CACNA2D1: variants seen among roughly 807,000 people sequenced by gnomAD.
CACNA2D1 encodes the protein calcium voltage-gated channel auxiliary subunit alpha2delta 1, also known as voltage-dependent calcium channel subunit alpha-2/delta-1.
A neutral mutation model predicts 171.5 loss-of-function variants in CACNA2D1; 53 were observed. The observed-to-expected ratio is 0.31, with a 90% CI of 0.25 to 0.39. The LOEUF (loss-of-function observed/expected upper bound fraction) is 0.39. Ranked by LOEUF, CACNA2D1 falls within the 10% of genes least tolerant of loss-of-function variation. The pLI is 1.00. For missense variants in CACNA2D1, 903 were observed against 1,299.8 expected (o/e 0.69, Z 4.69); for synonymous variants, 442 against 443.1 (o/e 1.00, Z 0.03).
At chr7:82,186,168 A>C (rs1468004900) in intron 3 of CACNA2D1, among the ~76,000 whole-genome samples, 1 of 136,824 alleles carries the variant, frequency 7.3e-6, no homozygotes, top group East Asian at 2.6e-4. Context: ...AAAACAAAAA[A>C]AGAGAGAGAA....
intron 3 of CACNA2D1, among the ~76,000 whole-genome samples, chr7:82,275,483 C>T (rs765577198): frequency 6.6e-6 from 1 of 152,112 alleles, no homozygotes; most frequent in Non-Finnish European, 1.5e-5. Flanking sequence ...TCAGATTGCT[C>T]GCTGATTCTA....
intron 10 of CACNA2D1, chr7:82,050,612 G>A (rs1805085737): frequency 1.4e-6 from 1 of 702,700 alleles, no homozygotes. Context: ...GGGAGAAGGA[G>A]AAATCTCTTT....
chr7:82,066,670 C>A, intron 7 of CACNA2D1, 146 bp from the exon 8 acceptor site: 2 of 1,243,820 alleles, frequency 1.6e-6, no homozygotes, highest in African/African-American at 1.5e-5. Context: ...CATTTTTAAG[C>A]CCTTATATTG....
rs7804162 is a variant in CACNA2D1 at position 82,361,085 on chromosome 7, C to A, written c.96-11436G>T. 5.3e-5 allele frequency among the ~76,000 whole-genome samples: 8 copies of A among 152,190 alleles called. No individual in the cohort carries two copies. In the South Asian group the frequency reaches 1.7e-3, roughly 31 times the overall value. On this transcript the variant is annotated intron_variant, in intron 1 of 38. Coordinates refer to ENST00000356860, the MANE Select transcript of CACNA2D1 (RefSeq NM_000722.4). The stretch of plus-strand genomic sequence containing the variant: ...TATATTGCAATTTAATTGCTTTCAA[C>A]CTTTTTGTCCTCACAGAACACGGTT...
intron 4 of CACNA2D1, among the ~76,000 whole-genome samples, chr7:82,149,888 C>T (rs1431051009): frequency 4.0e-5 from 6 of 151,778 alleles, no homozygotes; most frequent in Non-Finnish European, 5.9e-5. Context: ...ACCCGGGAGG[C>T]GGAGCTTGCA....
chr7:82,186,920 T>A (rs1797844374), intron 3 of CACNA2D1, among the ~76,000 whole-genome samples: 1 of 152,142 alleles, frequency 6.6e-6, no homozygotes, highest in Non-Finnish European at 1.5e-5. Flanking sequence ...TGTAAAATAT[T>A]GAAGCTTTAA....
At chr7:82,354,645 A>G (rs2129446492) in intron 1 of CACNA2D1, among the ~76,000 whole-genome samples, 1 of 152,302 alleles carries the variant, frequency 6.6e-6, no homozygotes, top group Middle Eastern at 3.4e-3. Flanking sequence ...AGTTGAAAAG[A>G]AAAATGGGAG....
intron 5 of CACNA2D1, among the ~76,000 whole-genome samples, chr7:82,128,832 C>G (rs111899714): frequency 6.6e-6 from 1 of 152,010 alleles, no homozygotes; most frequent in Non-Finnish European, 1.5e-5. Flanking sequence ...CCTGCCCCCA[C>G]GTTCCCCTGA....
chr7:82,097,202 T>C (rs986997294), intron 6 of CACNA2D1, among the ~76,000 whole-genome samples: 4 of 152,062 alleles, frequency 2.6e-5, no homozygotes, highest in African/African-American at 9.7e-5. Flanking sequence ...GCTGAATGGA[T>C]GAGGAATGTG....
At chr7:82,340,876 T>C (rs1367816851) in intron 2 of CACNA2D1, among the ~76,000 whole-genome samples, 1 of 152,162 alleles carries the variant, frequency 6.6e-6, no homozygotes, top group Non-Finnish European at 1.5e-5. Context: ...TAAAAGAAAG[T>C]GTTACATTAT....
chr7:82,097,569 T>A (rs541793281), intron 6 of CACNA2D1, among the ~76,000 whole-genome samples: 2 of 152,224 alleles, frequency 1.3e-5, no homozygotes, highest in Admixed American at 6.5e-5. Context: ...GATATGAACA[T>A]TGGAAGAGAG....
intron 6 of CACNA2D1, among the ~76,000 whole-genome samples, chr7:82,089,244 AT>A (rs1457242805): frequency 6.6e-5 from 10 of 152,030 alleles, no homozygotes; most frequent in African/African-American, 2.2e-4. Flanking sequence ...AGTGTTCAAT[AT>A]TTTTTCACTA....
chr7:82,208,752 T>C (rs1800261335), intron 3 of CACNA2D1, among the ~76,000 whole-genome samples: 1 of 152,142 alleles, frequency 6.6e-6, no homozygotes, highest in South Asian at 2.1e-4. Context: ...GAGGAATAAG[T>C]TCAAGAGTTG....
At chr7:82,022,027 T>C (rs1234312826) in intron 12 of CACNA2D1, among the ~76,000 whole-genome samples, 1 of 152,054 alleles carries the variant, frequency 6.6e-6, no homozygotes, top group Non-Finnish European at 1.5e-5. Flanking sequence ...TCATATACTC[T>C]GTGCATAAAG....
At chr7:82,174,024 T>C (rs1319933659) in intron 3 of CACNA2D1, among the ~76,000 whole-genome samples, 1 of 115,340 alleles carries the variant, frequency 8.7e-6, no homozygotes. Context: ...GCCTGAGCTA[T>C]AGTGCAAGAC....
intron 3 of CACNA2D1, among the ~76,000 whole-genome samples, chr7:82,199,679 A>G (rs1799214988): frequency 6.6e-6 from 1 of 152,096 alleles, no homozygotes; most frequent in Non-Finnish European, 1.5e-5. Context: ...GAAGTTATAC[A>G]TATTCTCACT....
At chr7:82,122,164 A>T (rs1255594503) in intron 5 of CACNA2D1, among the ~76,000 whole-genome samples, 1 of 152,190 alleles carries the variant, frequency 6.6e-6, no homozygotes, top group Non-Finnish European at 1.5e-5. Context: ...AAAGAAAGTT[A>T]AAAAACACTG....
At chr7:81,996,554 G>A (rs866804218) in intron 19 of CACNA2D1, among the ~76,000 whole-genome samples, 1 of 151,704 alleles carries the variant, frequency 6.6e-6, no homozygotes, top group Admixed American at 6.6e-5. Flanking sequence ...TACCTCAAAT[G>A]TATCATCAGT....
chr7:82,283,125 C>G (rs1462382924), intron 3 of CACNA2D1, among the ~76,000 whole-genome samples: 2 of 151,558 alleles, frequency 1.3e-5, no homozygotes, highest in Non-Finnish European at 2.9e-5. Context: ...TTAGACCTTC[C>G]CTGAAGAATA....
Sources: gnomAD v4.1 joint callset for allele counts (sites outside exome capture counted in the v4.1 genomes callset) on GRCh38, gnomAD v4.1.1 for gene constraint, MANE v1.5 for transcripts, NCBI Gene and HGNC (gene_info 2026-07-23, HGNC 2026-07-21) for gene names.